Variants in SRGAP2 observed in about 807,000 individuals in gnomAD.
SRGAP2 encodes the protein SLIT-ROBO Rho GTPase activating protein 2.
In SRGAP2, 15 loss-of-function variants were observed where a neutral mutation model predicts 57.2. The ratio of observed to expected loss-of-function variants is 0.26; its 90% confidence interval spans 0.18 to 0.40. The LOEUF is 0.40. Ranked by LOEUF, SRGAP2 falls within the 10% of genes least tolerant of loss-of-function variation. SRGAP2 has a pLI of 1.00. For synonymous variants in SRGAP2, 249 were observed against 248.0 expected, an observed-to-expected ratio of 1.00 and a Z score of -0.04; for missense variants, 520 against 669.6, an observed-to-expected ratio of 0.78 and a Z score of 2.47.
intron 3 of SRGAP2, among the ~76,000 whole-genome samples, chr1:206,314,284 G>A (rs554347492): frequency 1.3e-5 from 2 of 152,060 alleles, no homozygotes; most frequent in East Asian, 1.9e-4. Flanking sequence ...ATAGGCATGC[G>A]CCACGACGCC....
At chr1:206,255,573 G>A (rs1358321156) in intron 2 of SRGAP2, among the ~76,000 whole-genome samples, 1 of 137,532 alleles carries the variant, frequency 7.3e-6, no homozygotes, top group African/African-American at 2.7e-5. Flanking sequence ...GTTGGTTCTT[G>A]ATTCCCATGT....
intron 2 of SRGAP2, among the ~76,000 whole-genome samples, chr1:206,208,666 G>C (rs1382859719): frequency 2.0e-5 from 3 of 152,208 alleles, no homozygotes; most frequent in Non-Finnish European, 4.4e-5. Context: ...ATCTGGTTTG[G>C]CTCTGCCCCC....
At chr1:206,389,663 T>C (rs1572027226) in intron 5 of SRGAP2, among the ~76,000 whole-genome samples, 1 of 152,166 alleles carries the variant, frequency 6.6e-6, no homozygotes, top group Admixed American at 6.5e-5. Flanking sequence ...TCCATTCTTT[T>C]TGTTTTTCTC....
At chr1:206,413,737 A>T (rs1485476010) in intron 10 of SRGAP2, among the ~76,000 whole-genome samples, 1 of 152,146 alleles carries the variant, frequency 6.6e-6, no homozygotes, top group Non-Finnish European at 1.5e-5. Context: ...ATAATGAATG[A>T]CATGGTCTCT....
chr1:206,224,501 G>A (rs1667165245), intron 2 of SRGAP2, among the ~76,000 whole-genome samples: 1 of 139,148 alleles, frequency 7.2e-6, no homozygotes, highest in Non-Finnish European at 1.5e-5. Flanking sequence ...AAGAACTTGA[G>A]GAATTTTGAG....
intron 10 of SRGAP2, among the ~76,000 whole-genome samples, chr1:206,410,673 GTTCT>G (rs1284333317): frequency 6.6e-6 from 1 of 152,086 alleles, no homozygotes; most frequent in African/African-American, 2.4e-5. Context: ...CTTTTTTAAC[GTTCT>G]TTATCTTGGA....
chr1:206,416,559 A>G (rs984051482), intron 11 of SRGAP2, among the ~76,000 whole-genome samples: 2 of 152,136 alleles, frequency 1.3e-5, no homozygotes, highest in Non-Finnish European at 2.9e-5. Flanking sequence ...TGTCTCATAG[A>G]ATGATTTTAA....
At chr1:206,314,562 T>C (rs1358811966) in intron 3 of SRGAP2, among the ~76,000 whole-genome samples, 5 of 152,236 alleles carry the variant, frequency 3.3e-5, no homozygotes, top group African/African-American at 1.2e-4. Flanking sequence ...TTTCTAGTAG[T>C]TGACAAAATG....
intron 2 of SRGAP2, among the ~76,000 whole-genome samples, chr1:206,229,931 T>TACACACACACACAC (rs66901207): frequency 8.7e-4 from 124 of 141,748 alleles, no homozygotes; most frequent in African/African-American, 2.5e-3. Flanking sequence ...TACACATACA[T>TACACACACACACAC]ACACACACAC....
intron 7 of SRGAP2, among the ~76,000 whole-genome samples, chr1:206,401,217 C>T (rs1420631156): frequency 6.6e-6 from 1 of 152,200 alleles, no homozygotes; most frequent in Non-Finnish European, 1.5e-5. Context: ...CGCCTCACAG[C>T]CCTCTAGGGT....
intron 19 of SRGAP2, among the ~76,000 whole-genome samples, chr1:206,451,385 G>A (rs1350069707): frequency 6.6e-6 from 1 of 152,136 alleles, no homozygotes; most frequent in Non-Finnish European, 1.5e-5. Flanking sequence ...GGTCTGTCCA[G>A]CCAGCACATT....
intron 2 of SRGAP2, among the ~76,000 whole-genome samples, chr1:206,218,177 C>T (rs567286700): frequency 4.6e-5 from 7 of 151,960 alleles, no homozygotes; most frequent in South Asian, 2.1e-4. Flanking sequence ...GGCATGGTGG[C>T]GGGTGCCTGT....
intron 13 of SRGAP2, among the ~76,000 whole-genome samples, chr1:206,424,917 C>A (rs1408080227): frequency 1.3e-5 from 2 of 152,212 alleles, no homozygotes; most frequent in African/African-American, 4.8e-5. Context: ...TGCAGTAGGA[C>A]AGGTCATCTT....
chr1:206,375,244 C>T (rs1164496407), intron 4 of SRGAP2, among the ~76,000 whole-genome samples: 1 of 152,156 alleles, frequency 6.6e-6, no homozygotes, highest in Non-Finnish European at 1.5e-5. Context: ...TTTGTGCTCT[C>T]GTGCTGCCTG....
intron 18 of SRGAP2, among the ~76,000 whole-genome samples, chr1:206,449,286 A>ATTTTTTTGTTTTTTTTTTTTT (rs1489255492): frequency 2.5e-4 from 28 of 110,698 alleles, no homozygotes; most frequent in Admixed American, 3.7e-4. Flanking sequence ...ACACTGGATG[A>ATTTTTTTGTTTTTTTTTTTTT]TTTTTTTTTT....
chr1:206,263,609 GTTGTT>G (rs1243962720), intron 2 of SRGAP2, among the ~76,000 whole-genome samples: 1 of 150,634 alleles, frequency 6.6e-6, no homozygotes, highest in Non-Finnish European at 1.5e-5. Flanking sequence ...TTGGGGGTTA[GTTGTT>G]CATGCAGCAG....
At chr1:206,239,793 A>G (rs568995180) in intron 2 of SRGAP2, among the ~76,000 whole-genome samples, 5 of 151,810 alleles carry the variant, frequency 3.3e-5, no homozygotes, top group African/African-American at 1.2e-4. Context: ...TTTTAGCCAG[A>G]GGGAGTTTAT....
chr1:206,454,134 T>A lies in SRGAP2; in HGVS notation c.2361-744T>A. On this transcript the variant is annotated intron_variant, in intron 20 of 22. Transcript: ENST00000573034. This position sits in a 1 kb window ranked among gnomAD's most constrained non-coding sequence, Gnocchi z 4.3. ...GTTTTTAGTCCTTCCCTTAATATTA[T>A]TTTTTAAAGGTTGATATCCTGAGTG... The A allele has an allele frequency of 1.4e-6, 1 of 702,554 alleles. No individual in the cohort carries two copies. Among genetic ancestry groups the A allele is most frequent in the East Asian group, 2.7e-5 (1 of 37,286 alleles). 43.5% of individuals were successfully genotyped at this position (702,554 alleles called of 1,614,324 possible).
intron 3 of SRGAP2, among the ~76,000 whole-genome samples, chr1:206,336,319 ATT>A (rs1265573193): frequency 8.7e-5 from 9 of 103,704 alleles, no homozygotes; most frequent in African/African-American, 3.4e-4. Flanking sequence ...TGTAGACTAT[ATT>A]ATTTTTGCCT....
Sources: gnomAD v4.1 joint callset for allele counts (sites outside exome capture counted in the v4.1 genomes callset) on GRCh38, gnomAD v4.1.1 for gene constraint, Gnocchi (gnomAD v3.1) non-coding constraint, MANE v1.5 for transcripts, NCBI Gene and HGNC (gene_info 2026-07-23, HGNC 2026-07-21) for gene names.